The following PLOD2 variants were observed in gnomAD, a reference collection of about 807,000 sequenced individuals.
The protein encoded by PLOD2 is procollagen-lysine,2-oxoglutarate 5-dioxygenase 2, also known as lysine hydroxylase 2.
PLOD2 carries 65 observed loss-of-function variants against 101.0 expected under a neutral mutation model. That is an observed-to-expected ratio of 0.64 (90% CI 0.53 to 0.79). The LOEUF is 0.79. Ranked by LOEUF, PLOD2 falls within the 30% of genes least tolerant of loss-of-function variation. The pLI is 0.00. For missense variants in PLOD2, 909 were observed against 914.6 expected (o/e 0.99, Z 0.08); for synonymous variants, 314 against 302.9 (o/e 1.04, Z -0.38).
intron 1 of PLOD2, among the ~76,000 whole-genome samples, chr3:146,155,616 T>C (rs2032269406): frequency 6.8e-6 from 1 of 147,384 alleles, no homozygotes; most frequent in African/African-American, 2.5e-5. Flanking sequence ...CTCAGGAGGC[T>C]GAGGCAGACA....
At chr3:146,141,952 G>A (rs536161518) in intron 1 of PLOD2, among the ~76,000 whole-genome samples, 1 of 152,202 alleles carries the variant, frequency 6.6e-6, no homozygotes, top group Non-Finnish European at 1.5e-5. Context: ...GGACAAATGA[G>A]TTCACCAGGT....
rs1276615626 is a variant in PLOD2 at position 146,121,051 on chromosome 3, T to C, written c.338+61A>G. The C allele has an allele frequency of 3.1e-6, 4 of 1,284,986 alleles. No individual in the cohort carries two copies. In the East Asian group the frequency reaches 9.3e-5, roughly 30 times the overall value. 79.6% of individuals were successfully genotyped at this position (1,284,986 alleles called of 1,614,324 possible). ...TTAATACATCATCTACAAATATAAA[T>C]CTCAGCTCTTTAAAAAGTAATTGAA... On this transcript the variant is annotated intron_variant, in intron 3 of 19. Transcript: ENST00000282903.
intron 6 of PLOD2, 79 bp downstream of exon 6, chr3:146,104,200 G>C: frequency 1.2e-6 from 1 of 847,000 alleles, no homozygotes; most frequent in South Asian, 1.3e-5. Context: ...GCCCCCAAAT[G>C]GACATAACAA....
chr3:146,141,777 AGG>A (rs1367912434), intron 1 of PLOD2, among the ~76,000 whole-genome samples: 1 of 152,116 alleles, frequency 6.6e-6, no homozygotes, highest in East Asian at 1.9e-4. Flanking sequence ...TACAGTTGTG[AGG>A]GGAGACAGTG....
chr3:146,074,296 C>G (rs1936253654), intron 15 of PLOD2, among the ~76,000 whole-genome samples: 1 of 151,374 alleles, frequency 6.6e-6, no homozygotes, highest in Admixed American at 6.6e-5. Flanking sequence ...TTTCTCTTTA[C>G]AAAGTGCAAA....
intron 3 of PLOD2, among the ~76,000 whole-genome samples, chr3:146,114,104 C>A (rs1937777692): frequency 6.6e-6 from 1 of 152,138 alleles, no homozygotes; most frequent in Non-Finnish European, 1.5e-5. Flanking sequence ...TTTAGTCAGA[C>A]CAGTTGTCTG....
intron 7 of PLOD2, among the ~76,000 whole-genome samples, chr3:146,094,613 T>C (rs1250500511): frequency 6.6e-6 from 1 of 152,060 alleles, no homozygotes. Context: ...AAACATTCCA[T>C]GCTCATAATA....
rs772968319 is a variant in PLOD2 at position 146,160,867 on chromosome 3, C to A, written c.109+14G>T. 1.3e-6 allele frequency: 2 copies of A among 1,511,050 alleles called. No homozygotes were observed. The highest frequency in any genetic ancestry group is 1.8e-6 in the Non-Finnish European group (2 of 1,106,966). 93.6% of individuals were successfully genotyped at this position (1,511,050 alleles called of 1,614,324 possible). A position where few individuals can be genotyped will look rare whatever the true frequency, so the allele number is the denominator to read the frequency against. On this transcript the variant is annotated intron_variant, in intron 1 of 19. Transcript: ENST00000282903. ...CGAGCCTCGCGGGACAGCGGCGGAC[C>A]GCGGGGTGCTCACCTGTGGGGATGC...
chr3:146,118,372 T>A (rs1259543710), intron 3 of PLOD2, among the ~76,000 whole-genome samples: 1 of 152,058 alleles, frequency 6.6e-6, no homozygotes, highest in Non-Finnish European at 1.5e-5. Context: ...ATGTATCTTT[T>A]GAAAATTTTT....
chr3:146,122,262 G>A (rs149159181), intron 2 of PLOD2, among the ~76,000 whole-genome samples: 1 of 152,214 alleles, frequency 6.6e-6, no homozygotes, highest in African/African-American at 2.4e-5. Context: ...AAGCTGTTTT[G>A]GATCTGGATT....
chr3:146,087,511 T>C (rs749880450), intron 9 of PLOD2, among the ~76,000 whole-genome samples: 12 of 151,944 alleles, frequency 7.9e-5, no homozygotes, highest in Non-Finnish European at 1.2e-4. Flanking sequence ...CCAATTTTAG[T>C]GTGATTCGAC....
intron 7 of PLOD2, among the ~76,000 whole-genome samples, chr3:146,095,858 TCC>T (rs1254290233): frequency 1.5e-3 from 2 of 1,292 alleles, no homozygotes; most frequent in Non-Finnish European, 5.9e-3. Context: ...ATATACCCTC[TCC>T]CCTCTCCCCT....
chr3:146,083,948 G>C (rs1243267234), intron 11 of PLOD2, among the ~76,000 whole-genome samples: 1 of 151,676 alleles, frequency 6.6e-6, no homozygotes, highest in African/African-American at 2.4e-5. Context: ...CAAATACATA[G>C]TGTAAATTCA....
chr3:146,133,050 C>A (rs554428014), intron 1 of PLOD2, among the ~76,000 whole-genome samples: 1 of 152,204 alleles, frequency 6.6e-6, no homozygotes, highest in Admixed American at 6.5e-5. Context: ...GTGGCTGGCA[C>A]CTGTAGTCCC....
At chr3:146,124,111 C>A in intron 2 of PLOD2, 27 bp downstream of exon 2, 1 of 1,150,044 alleles carries the variant, frequency 8.7e-7, no homozygotes, top group South Asian at 1.2e-5. Context: ...ATTATAGGAT[C>A]TTCATAGGTT....
At chr3:146,083,835 C>A (rs978795387) in intron 11 of PLOD2, among the ~76,000 whole-genome samples, 1 of 151,964 alleles carries the variant, frequency 6.6e-6, no homozygotes, top group African/African-American at 2.4e-5. Context: ...CCCACCTTGG[C>A]CTCCCAAAGT....
At chr3:146,123,390 A>G in intron 2 of PLOD2, 2 of 417,222 alleles carry the variant, frequency 4.8e-6, no homozygotes, top group South Asian at 7.0e-5. Flanking sequence ...TAATAGTTCT[A>G]TCAATTTCCC....
chr3:146,110,890 G>A (rs907663765), intron 3 of PLOD2, among the ~76,000 whole-genome samples: 1 of 152,104 alleles, frequency 6.6e-6, no homozygotes, highest in African/African-American at 2.4e-5. Flanking sequence ...GACAAAATGT[G>A]TTTAACTGCT....
At chr3:146,073,204 T>A in intron 16 of PLOD2, 83 bp downstream of exon 16, 1 of 594,664 alleles carries the variant, frequency 1.7e-6, no homozygotes, top group Non-Finnish European at 3.0e-6. Context: ...CACTTTCACA[T>A]CTTCTGTGAA....
Sources: gnomAD v4.1 joint callset for allele counts (sites outside exome capture counted in the v4.1 genomes callset) on GRCh38, gnomAD v4.1.1 for gene constraint, MANE v1.5 for transcripts, NCBI Gene and HGNC (gene_info 2026-07-23, HGNC 2026-07-21) for gene names.